CSMD3: variants seen among roughly 807,000 people sequenced by gnomAD.
The protein encoded by CSMD3 is CUB and sushi domain-containing protein 3.
Under a neutral mutation model 435.2 loss-of-function variants are expected in CSMD3, and 177 were observed. The ratio of observed to expected loss-of-function variants is 0.41; its 90% CI spans 0.36 to 0.46. The LOEUF (loss-of-function observed/expected upper bound fraction) is 0.46. Ranked by LOEUF, CSMD3 falls within the 20% of genes least tolerant of loss-of-function variation. The pLI is 0.34. For synonymous variants in CSMD3, 1,656 were observed against 1,520.5 expected, an observed-to-expected ratio of 1.09 and a Z score of -2.07; for missense variants, 4,265 against 4,504.6, an observed-to-expected ratio of 0.95 and a Z score of 1.52.
intron 1 of CSMD3, among the ~76,000 whole-genome samples, chr8:113,394,439 C>T (rs930240709): frequency 2.6e-5 from 4 of 151,982 alleles, no homozygotes; most frequent in African/African-American, 9.7e-5. Context: ...TTAACCCATC[C>T]AGGTTGATTT....
At chr8:112,293,854 G>A (rs541391616) in intron 54 of CSMD3, among the ~76,000 whole-genome samples, 1 of 152,132 alleles carries the variant, frequency 6.6e-6, no homozygotes, top group East Asian at 1.9e-4. Flanking sequence ...CAGCTGTATT[G>A]TTAATGTCAA....
chr8:112,357,117 G>C (rs949838501), intron 38 of CSMD3, among the ~76,000 whole-genome samples: 2 of 152,118 alleles, frequency 1.3e-5, no homozygotes, highest in East Asian at 3.9e-4. Context: ...GCATGGCTTT[G>C]ACAAAAATGC....
intron 9 of CSMD3, among the ~76,000 whole-genome samples, chr8:112,933,643 A>G (rs981426302): frequency 6.6e-6 from 1 of 152,154 alleles, no homozygotes; most frequent in Non-Finnish European, 1.5e-5. Flanking sequence ...GTAAACTGCT[A>G]CCTTAAAGTT....
intron 54 of CSMD3, among the ~76,000 whole-genome samples, chr8:112,293,370 G>A (rs1206547305): frequency 6.6e-6 from 1 of 152,046 alleles, no homozygotes; most frequent in Admixed American, 6.6e-5. Flanking sequence ...GATATTTAAA[G>A]GCAGTTTTTT....
At chr8:113,288,121 T>C (rs887315719) in intron 2 of CSMD3, among the ~76,000 whole-genome samples, 3 of 151,886 alleles carry the variant, frequency 2.0e-5, no homozygotes, top group Non-Finnish European at 4.4e-5. Context: ...AATTCTTAGA[T>C]AAGATGATAT....
intron 3 of CSMD3, among the ~76,000 whole-genome samples, chr8:113,235,273 T>C (rs938662924): frequency 1.1e-4 from 17 of 152,238 alleles, no homozygotes; most frequent in Admixed American, 2.0e-4. Context: ...TGTCCCTCCC[T>C]ACCTTCCTGT....
intron 27 of CSMD3, among the ~76,000 whole-genome samples, chr8:112,526,317 T>C (rs1174268403): frequency 1.3e-5 from 2 of 152,056 alleles, no homozygotes; most frequent in Non-Finnish European, 2.9e-5. Context: ...TAGGACTTAT[T>C]GACAATGATC....
At chr8:112,238,953 T>C (rs1302860008) in intron 66 of CSMD3, among the ~76,000 whole-genome samples, 1 of 152,088 alleles carries the variant, frequency 6.6e-6, no homozygotes, top group African/African-American at 2.4e-5. Context: ...GTCCTTGTAA[T>C]GAACTTCAAT....
chr8:112,334,629 C>A (rs1824391719), intron 45 of CSMD3, among the ~76,000 whole-genome samples: 1 of 152,160 alleles, frequency 6.6e-6, no homozygotes, highest in African/African-American at 2.4e-5. Context: ...GATAAATAGC[C>A]ATTTTCTTAT....
intron 19 of CSMD3, among the ~76,000 whole-genome samples, chr8:112,649,762 C>T (rs776837636): frequency 1.1e-4 from 16 of 152,150 alleles, no homozygotes; most frequent in Non-Finnish European, 1.3e-4. Context: ...TGTAGACAGG[C>T]TGGCCTTCTA....
chr8:112,473,463 TATGTAGAATGAGAA>T (rs1430912411), intron 31 of CSMD3, among the ~76,000 whole-genome samples: 1 of 151,958 alleles, frequency 6.6e-6, no homozygotes, highest in African/African-American at 2.4e-5. Flanking sequence ...CTCTGAAAAG[TATGTAGAATGAGAA>T]AAGATGGGCA....
At chr8:112,742,634 G>C (rs930916253) in intron 13 of CSMD3, among the ~76,000 whole-genome samples, 6 of 151,806 alleles carry the variant, frequency 4.0e-5, no homozygotes, top group Non-Finnish European at 8.8e-5. Context: ...ACAGTTGTGT[G>C]ATTTTGCTCT....
intron 65 of CSMD3, among the ~76,000 whole-genome samples, chr8:112,243,700 A>T (rs1250868041): frequency 6.6e-6 from 1 of 152,094 alleles, no homozygotes; most frequent in Non-Finnish European, 1.5e-5. Flanking sequence ...TCCGTACTCT[A>T]ATGAATAGTG....
rs1587003277 is a variant in CSMD3, at chr8:112,699,489, C to G, written c.1973-9439G>C. 3.3e-5 allele frequency among the ~76,000 whole-genome samples: 5 copies of G among 152,298 alleles called. No individual in the cohort carries two copies. In the South Asian group the frequency reaches 8.3e-4, roughly 25 times the overall value. ...GGGGAAAAAAAGAGAAAACTAACAT[C>G]TGGCAACCATCACAGTGGTTGTGGA... On this transcript the variant is annotated intron_variant, in intron 13 of 70. Coordinates refer to ENST00000297405, the MANE Select transcript of CSMD3 (RefSeq NM_198123.2).
At chr8:113,428,043 G>A (rs2094646401) in intron 1 of CSMD3, among the ~76,000 whole-genome samples, 1 of 151,614 alleles carries the variant, frequency 6.6e-6, no homozygotes, top group Non-Finnish European at 1.5e-5. Flanking sequence ...TTTAACATAT[G>A]TATTACCTGT....
intron 12 of CSMD3, among the ~76,000 whole-genome samples, chr8:112,824,629 G>C (rs1210443927): frequency 6.6e-6 from 1 of 152,104 alleles, no homozygotes; most frequent in Admixed American, 6.6e-5. Flanking sequence ...TTGAATATTG[G>C]CCCCCATTCT....
At chr8:112,589,554 G>A (rs1331004144) in intron 22 of CSMD3, among the ~76,000 whole-genome samples, 1 of 152,036 alleles carries the variant, frequency 6.6e-6, no homozygotes, top group Non-Finnish European at 1.5e-5. Flanking sequence ...TGAATGCCCA[G>A]CAAAAATATC....
Position 113,123,491 on chromosome 8 carries a change from C to A in CSMD3, c.710-24528G>T, listed in dbSNP as rs550630056. Among the ~76,000 whole-genome samples the A allele has an allele frequency of 2.3e-4, 35 of 152,122 alleles. No individual in the cohort carries two copies. The East Asian group carries it at 6.4e-3, about 28-fold the overall frequency. ...AATGCTTCACACAGGCATATTCTTT[C>A]TTAAGTTATTTATGTAATTTCACAT... On this transcript the variant is annotated intron_variant, in intron 4 of 70. Transcript: ENST00000297405.
intron 9 of CSMD3, among the ~76,000 whole-genome samples, chr8:112,938,952 T>C (rs570617555): frequency 1.3e-5 from 2 of 152,192 alleles, no homozygotes; most frequent in Non-Finnish European, 2.9e-5. Context: ...AAACCTACAG[T>C]GTGTTAATAC....
Sources: allele counts gnomAD v4.1 joint callset (sites outside exome capture counted in the v4.1 genomes callset), GRCh38; gene constraint gnomAD v4.1.1; transcripts MANE v1.5; gene names NCBI Gene and HGNC (gene_info 2026-07-23, HGNC 2026-07-21).